Variants in CHRM3 observed in about 807,000 individuals in gnomAD.
The protein encoded by CHRM3 is muscarinic acetylcholine receptor M3.
CHRM3 carries 11 observed loss-of-function variants against 41.8 expected under a neutral mutation model. That is an observed-to-expected ratio of 0.26 (90% CI 0.17 to 0.44). The LOEUF (loss-of-function observed/expected upper bound fraction) is 0.44. CHRM3 is among the 20% of genes least tolerant of loss of function. CHRM3 has a pLI of 1.00. For missense variants in CHRM3, 571 were observed against 745.4 expected, an observed-to-expected ratio of 0.77 and a Z score of 2.72; for synonymous variants, 297 against 301.4, an observed-to-expected ratio of 0.99 and a Z score of 0.15.
chr1:239,423,300 A>G (rs6659150), intron 1 of CHRM3, among the ~76,000 whole-genome samples: 19 of 152,346 alleles, frequency 1.2e-4, no homozygotes, highest in African/African-American at 4.3e-4. Context: ...AATCATATGC[A>G]ATTAAGAAGT....
At chr1:239,864,461 CG>C (rs1321429456) in intron 6 of CHRM3, among the ~76,000 whole-genome samples, 2 of 151,798 alleles carry the variant, frequency 1.3e-5, no homozygotes, top group African/African-American at 2.4e-5. Context: ...GAGCCGAGAT[CG>C]TGCCATTGCA....
chr1:239,490,182 C>A (rs1445083227), intron 1 of CHRM3, among the ~76,000 whole-genome samples: 1 of 152,104 alleles, frequency 6.6e-6, no homozygotes, highest in African/African-American at 2.4e-5. Flanking sequence ...TCATTGATTC[C>A]TGATTGGTTT....
At chr1:239,905,288 TG>T (rs1407868574) in intron 6 of CHRM3, among the ~76,000 whole-genome samples, 2 of 152,202 alleles carry the variant, frequency 1.3e-5, no homozygotes, top group Non-Finnish European at 2.9e-5. Flanking sequence ...ATGGAGGCTG[TG>T]GGTTCAGATT....
intron 5 of CHRM3, among the ~76,000 whole-genome samples, chr1:239,680,037 G>T (rs1446532791): frequency 6.6e-6 from 1 of 151,962 alleles, no homozygotes; most frequent in Non-Finnish European, 1.5e-5. Flanking sequence ...ATTCCATTGT[G>T]CAGCCACTGC....
intron 3 of CHRM3, among the ~76,000 whole-genome samples, chr1:239,620,185 G>A (rs1036701469): frequency 7.9e-5 from 12 of 152,104 alleles, no homozygotes; most frequent in Admixed American, 2.6e-4. Context: ...TAAATGGAGC[G>A]TGTAGTAGTT....
intron 1 of CHRM3, among the ~76,000 whole-genome samples, chr1:239,421,987 G>T (rs1661990602): frequency 6.6e-6 from 1 of 152,090 alleles, no homozygotes; most frequent in Admixed American, 6.6e-5. Flanking sequence ...ATGCTCTTTA[G>T]ATGATGTCAC....
chr1:239,734,856 A>G (rs1329188263), intron 5 of CHRM3, among the ~76,000 whole-genome samples: 1 of 152,124 alleles, frequency 6.6e-6, no homozygotes, highest in African/African-American at 2.4e-5. Flanking sequence ...TAAGATTGCC[A>G]TATGTTGACG....
At chr1:239,649,366 G>A (rs909289091) in intron 4 of CHRM3, among the ~76,000 whole-genome samples, 6 of 152,146 alleles carry the variant, frequency 3.9e-5, no homozygotes, top group Admixed American at 1.3e-4. Context: ...AATCATGAGC[G>A]ATACATTTCT....
At chr1:239,865,679 A>G (rs949265415) in intron 6 of CHRM3, among the ~76,000 whole-genome samples, 2 of 152,244 alleles carry the variant, frequency 1.3e-5, no homozygotes, top group South Asian at 4.1e-4. Context: ...GAGCAGACCA[A>G]GAATCAAGGG....
intron 6 of CHRM3, among the ~76,000 whole-genome samples, chr1:239,864,145 C>T (rs537276224): frequency 1.9e-4 from 29 of 151,380 alleles, no homozygotes; most frequent in Non-Finnish European, 4.1e-4. Context: ...CTTAGGAGGC[C>T]GAGGAAAGAG....
chr1:239,541,736 C>T (rs111715703), intron 2 of CHRM3, among the ~76,000 whole-genome samples: 2,325 of 152,168 alleles, frequency 0.015, 29 homozygotes, highest in Non-Finnish European at 0.023. Flanking sequence ...TGGTCTTGAC[C>T]TCCTGGACTC....
chr1:239,861,921 G>A (rs1345300007), intron 6 of CHRM3, among the ~76,000 whole-genome samples: 2 of 152,092 alleles, frequency 1.3e-5, no homozygotes, highest in Non-Finnish European at 2.9e-5. Flanking sequence ...ATTTGCAGAT[G>A]AAAAATGAAA....
At chr1:239,873,242 C>T (rs1185960010) in intron 6 of CHRM3, among the ~76,000 whole-genome samples, 1 of 152,154 alleles carries the variant, frequency 6.6e-6, no homozygotes, top group Non-Finnish European at 1.5e-5. Flanking sequence ...GGTCACTTGT[C>T]CTCCTGAGCC....
chr1:239,423,939 C>T (rs1173690789), intron 1 of CHRM3, among the ~76,000 whole-genome samples: 2 of 151,202 alleles, frequency 1.3e-5, no homozygotes, highest in East Asian at 2.0e-4. Flanking sequence ...CTTGTAGTCC[C>T]AGCTACTCGG....
At chr1:239,881,066 G>A (rs895914140) in intron 6 of CHRM3, among the ~76,000 whole-genome samples, 9 of 151,946 alleles carry the variant, frequency 5.9e-5, no homozygotes, top group South Asian at 2.1e-4. Context: ...GGCGGATCAC[G>A]AGGTCAGGAG....
At chr1:239,751,801 G>C (rs1258327086) in intron 5 of CHRM3, among the ~76,000 whole-genome samples, 1 of 152,002 alleles carries the variant, frequency 6.6e-6, no homozygotes, top group African/African-American at 2.4e-5. Flanking sequence ...TAAGATTCGT[G>C]GTGAATAAAT....
At chr1:239,868,396 T>C (rs953759826) in intron 6 of CHRM3, among the ~76,000 whole-genome samples, 2 of 152,226 alleles carry the variant, frequency 1.3e-5, no homozygotes, top group Non-Finnish European at 2.9e-5. Context: ...GAGGTCCTTT[T>C]CCCGTGGTTC....
At chr1:239,715,873 G>A (rs572372617) in intron 5 of CHRM3, among the ~76,000 whole-genome samples, 1 of 152,140 alleles carries the variant, frequency 6.6e-6, no homozygotes, top group East Asian at 1.9e-4. Flanking sequence ...CTGTTGGATT[G>A]GAAGAAACAG....
chr1:239,757,868 A>G (rs112685408), intron 5 of CHRM3, among the ~76,000 whole-genome samples: 2,469 of 152,308 alleles, frequency 0.016, 67 homozygotes, highest in African/African-American at 0.057. Context: ...ATGAAGCAGC[A>G]GTGGCTTAAG....
Sources: gnomAD v4.1 joint callset for allele counts (sites outside exome capture counted in the v4.1 genomes callset) on GRCh38, gnomAD v4.1.1 for gene constraint, MANE v1.5 for transcripts, NCBI Gene and HGNC (gene_info 2026-07-23, HGNC 2026-07-21) for gene names.